PTPRK: variants seen among roughly 807,000 people sequenced by gnomAD.
The protein encoded by PTPRK is protein tyrosine phosphatase receptor type K, also known as receptor-type tyrosine-protein phosphatase kappa.
Under a neutral mutation model 178.0 loss-of-function variants are expected in PTPRK, and 75 were observed. That is an observed-to-expected ratio of 0.42 (90% CI 0.35 to 0.51). The LOEUF is 0.51. Among genes scored for constraint, PTPRK ranks in the 20% least tolerant of loss-of-function variants. PTPRK has a pLI of 0.02. For synonymous variants in PTPRK, 637 were observed against 620.6 expected (o/e 1.03, Z -0.39); for missense variants, 1,441 against 1,797.8 (o/e 0.80, Z 3.59).
At chr6:128,157,522 T>C (rs1015697836) in intron 7 of PTPRK, among the ~76,000 whole-genome samples, 4 of 152,012 alleles carry the variant, frequency 2.6e-5, no homozygotes, top group African/African-American at 9.7e-5. Flanking sequence ...TGTGAATGGT[T>C]AAAAACATTC....
intron 2 of PTPRK, among the ~76,000 whole-genome samples, chr6:128,347,468 C>T (rs978736184): frequency 6.6e-6 from 1 of 152,044 alleles, no homozygotes; most frequent in Non-Finnish European, 1.5e-5. Context: ...ATGAATTTAC[C>T]GTGAAGAAGG....
At chr6:128,395,893 A>G (rs1443579422) in intron 2 of PTPRK, among the ~76,000 whole-genome samples, 1 of 152,172 alleles carries the variant, frequency 6.6e-6, no homozygotes, top group East Asian at 1.9e-4. Context: ...AATTTAATTC[A>G]TTCTATTATA....
At chr6:128,203,177 C>T (rs1165511985) in intron 6 of PTPRK, among the ~76,000 whole-genome samples, 2 of 151,976 alleles carry the variant, frequency 1.3e-5, no homozygotes, top group South Asian at 2.1e-4. Context: ...AACAAAAACA[C>T]ATGATTATCG....
chr6:128,455,922 C>T (rs1339421858), intron 1 of PTPRK, among the ~76,000 whole-genome samples: 1 of 152,068 alleles, frequency 6.6e-6, no homozygotes, highest in Non-Finnish European at 1.5e-5. Context: ...AACACCTAAT[C>T]CAGGGCTGGT....
In PTPRK at chr6:127,982,414, A is replaced by G. The variant is rs552349038; in HGVS notation, c.3537+417T>C. ...CAGCCTCCCGAGTAGCTGGGACTACAGGCACCCGCCACCATGCCTGGCTAA... is the reference window on the plus strand; with the variant it reads ...CAGCCTCCCGAGTAGCTGGGACTACGGGCACCCGCCACCATGCCTGGCTAA... On this transcript the variant is annotated intron_variant, in intron 24 of 29. Transcript: ENST00000368226. Among the ~76,000 whole-genome samples the G allele has an allele frequency of 4.3e-4, 66 of 152,222 alleles. 1 individual carries two copies. The highest frequency in any genetic ancestry group is 1.4e-3 in the African/African-American group (60 of 41,538).
chr6:127,989,619 A>G (rs1341016334), intron 21 of PTPRK, among the ~76,000 whole-genome samples: 1 of 152,068 alleles, frequency 6.6e-6, no homozygotes, highest in Non-Finnish European at 1.5e-5. Flanking sequence ...TGTTTTATTG[A>G]TTTAAAGAAG....
chr6:128,251,699 C>A, intron 3 of PTPRK, among the ~76,000 whole-genome samples: 1 of 152,118 alleles, frequency 6.6e-6, no homozygotes, highest in East Asian at 1.9e-4. Context: ...CATATATACA[C>A]GTGCCCACAT....
At chr6:128,040,438 T>A (rs9491906) in intron 13 of PTPRK, among the ~76,000 whole-genome samples, 1 of 151,638 alleles carries the variant, frequency 6.6e-6, no homozygotes, top group Non-Finnish European at 1.5e-5. Flanking sequence ...AGCAAATAGA[T>A]CAAGAAAGCA....
chr6:128,519,204 C>A lies in PTPRK; in HGVS notation c.100+1055G>T. 1 of 450,910 alleles carries A rather than the reference C, an allele frequency of 2.2e-6. No homozygotes were observed. The allele number at this position is 450,910 out of a possible 1,614,324, so 27.9% of individuals were successfully genotyped here. ...GGAGGTAGACAAGTGCTCGGGAGCC[C>A]GCTCCCCAGCGTCCACCTGGTGAAA... On this transcript the variant is annotated intron_variant, in intron 1 of 29. Transcript: ENST00000368226. This position sits in a 1 kb window ranked among gnomAD's most constrained non-coding sequence, Gnocchi z 4.3.
chr6:128,278,120 GTTTT>G (rs983035168), intron 3 of PTPRK, among the ~76,000 whole-genome samples: 30 of 146,362 alleles, frequency 2.0e-4, no homozygotes, highest in Admixed American at 4.8e-4. Flanking sequence ...GTGTTTTTGT[GTTTT>G]TTATTTATTT....
chr6:127,978,802 A>T (rs1252659777), intron 25 of PTPRK, among the ~76,000 whole-genome samples: 3 of 152,184 alleles, frequency 2.0e-5, no homozygotes, highest in Non-Finnish European at 4.4e-5. Context: ...TAAGGCTTTG[A>T]AATTACAGAA....
intron 3 of PTPRK, among the ~76,000 whole-genome samples, chr6:128,289,665 T>A (rs907740593): frequency 1.3e-5 from 2 of 152,132 alleles, no homozygotes; most frequent in Non-Finnish European, 2.9e-5. Flanking sequence ...AGTCTTAGCC[T>A]CTTAACACAT....
At chr6:128,027,286 T>C (rs1484572916) in intron 13 of PTPRK, among the ~76,000 whole-genome samples, 1 of 152,226 alleles carries the variant, frequency 6.6e-6, no homozygotes, top group Non-Finnish European at 1.5e-5. Context: ...GAACTGTTTG[T>C]CCATTTAACC....
At chr6:128,438,569 T>C (rs1181598197) in intron 1 of PTPRK, among the ~76,000 whole-genome samples, 6 of 152,364 alleles carry the variant, frequency 3.9e-5, no homozygotes, top group East Asian at 1.9e-4. Flanking sequence ...TCTGCCTTCA[T>C]CTTACCTCTT....
intron 6 of PTPRK, among the ~76,000 whole-genome samples, chr6:128,212,466 G>C (rs770853830): frequency 1.3e-5 from 2 of 151,902 alleles, no homozygotes; most frequent in African/African-American, 2.4e-5. Flanking sequence ...GAAGACACTC[G>C]GGCCATGTAG....
At chr6:128,433,498 G>A (rs1419564794) in intron 1 of PTPRK, among the ~76,000 whole-genome samples, 1 of 148,996 alleles carries the variant, frequency 6.7e-6, no homozygotes, top group Non-Finnish European at 1.5e-5. Context: ...TTTTTTTTTT[G>A]TATTTTGTTT....
chr6:128,131,381 T>C (rs765634831), intron 7 of PTPRK, among the ~76,000 whole-genome samples: 1 of 152,170 alleles, frequency 6.6e-6, no homozygotes, highest in Non-Finnish European at 1.5e-5. Flanking sequence ...TAAAAATCTA[T>C]GCGGAGCCAC....
intron 1 of PTPRK, among the ~76,000 whole-genome samples, chr6:128,445,394 A>G (rs1193750866): frequency 1.3e-5 from 2 of 149,072 alleles, no homozygotes; most frequent in Non-Finnish European, 3.0e-5. Flanking sequence ...TAATATGCTT[A>G]TATAGCTGCT....
intron 2 of PTPRK, among the ~76,000 whole-genome samples, chr6:128,396,075 T>A (rs1245907434): frequency 1.3e-5 from 2 of 151,896 alleles, no homozygotes; most frequent in Non-Finnish European, 2.9e-5. Context: ...TTAAATCACA[T>A]TGATCAGCAA....
Sources: gnomAD v4.1 joint callset for allele counts (sites outside exome capture counted in the v4.1 genomes callset) on GRCh38, gnomAD v4.1.1 for gene constraint, Gnocchi (gnomAD v3.1) non-coding constraint, MANE v1.5 for transcripts, NCBI Gene and HGNC (gene_info 2026-07-23, HGNC 2026-07-21) for gene names.